The following BEND6 variants were observed in gnomAD, a reference collection of about 807,000 sequenced individuals.
BEND6 encodes BEN domain-containing protein 6.
Under a neutral mutation model 31.8 loss-of-function variants are expected in BEND6, and 24 were observed. That is an observed-to-expected ratio of 0.75 (90% CI 0.55 to 1.06). BEND6 has a LOEUF of 1.06. BEND6 is among the 50% of genes least tolerant of loss of function. The pLI is 0.00. For synonymous variants in BEND6, 109 were observed against 114.6 expected, an observed-to-expected ratio of 0.95 and a Z score of 0.31; for missense variants, 294 against 327.4, an observed-to-expected ratio of 0.90 and a Z score of 0.79.
intron 3 of BEND6, chr6:57,009,017 G>A (rs1284070816): frequency 6.6e-6 from 1 of 152,128 alleles, no homozygotes; most frequent in Non-Finnish European, 1.5e-5. Flanking sequence ...AGTGAAATAA[G>A]CGAGGAATAG....
chr6:56,955,628 T>C (rs1458257839), intron 1 of BEND6, among the ~76,000 whole-genome samples, 168 bp downstream of exon 1: 1 of 152,132 alleles, frequency 6.6e-6, no homozygotes, highest in Non-Finnish European at 1.5e-5. Flanking sequence ...AGGTGAACTC[T>C]TCCACCCCAA....
At chr6:56,970,281 G>A (rs896591850) in intron 1 of BEND6, among the ~76,000 whole-genome samples, 2 of 151,188 alleles carry the variant, frequency 1.3e-5, no homozygotes, top group Non-Finnish European at 2.9e-5. Context: ...TACAACCTCC[G>A]CCTCCCAGGT....
intron 1 of BEND6, among the ~76,000 whole-genome samples, chr6:56,974,704 CATTTT>C (rs1225253498): frequency 1.3e-5 from 2 of 152,166 alleles, no homozygotes; most frequent in Non-Finnish European, 2.9e-5. Flanking sequence ...CATGCCATGG[CATTTT>C]ATTTTATTTT....
intron 3 of BEND6, among the ~76,000 whole-genome samples, chr6:56,996,160 C>T (rs958490926): frequency 6.6e-6 from 1 of 152,024 alleles, no homozygotes; most frequent in Admixed American, 6.6e-5. Context: ...AAATATCCAT[C>T]AATGAGGCTG....
intron 2 of BEND6, among the ~76,000 whole-genome samples, chr6:56,983,587 C>T (rs1007704925): frequency 1.3e-5 from 2 of 152,144 alleles, no homozygotes; most frequent in African/African-American, 4.8e-5. Flanking sequence ...TGGTTTACTT[C>T]ACCTAACATA....
chr6:57,008,351 T>G (rs1009660171), intron 3 of BEND6: 1 of 640,516 alleles, frequency 1.6e-6, no homozygotes, highest in Non-Finnish European at 2.8e-6. Context: ...CTACTGATCA[T>G]GTTTCATTTC....
At chr6:57,019,335 G>A (rs1038502794) in intron 6 of BEND6, among the ~76,000 whole-genome samples, 2 of 152,100 alleles carry the variant, frequency 1.3e-5, no homozygotes, top group Non-Finnish European at 2.9e-5. Flanking sequence ...TGGAAAATAC[G>A]TGAAACCATG....
At chr6:56,956,168 TTTAA>T (rs1824911842) in intron 1 of BEND6, among the ~76,000 whole-genome samples, 1 of 152,264 alleles carries the variant, frequency 6.6e-6, no homozygotes, top group African/African-American at 2.4e-5. Flanking sequence ...ATAAGAAAAC[TTTAA>T]TTATAGTGAC....
At chr6:56,987,433 A>G (rs1219829900) in intron 2 of BEND6, among the ~76,000 whole-genome samples, 5 of 152,130 alleles carry the variant, frequency 3.3e-5, no homozygotes, top group Non-Finnish European at 2.9e-5. Context: ...GCCATTTCCA[A>G]TCTGTGGCCC....
chr6:57,011,136 CT>C (rs1461758083), intron 3 of BEND6, among the ~76,000 whole-genome samples: 2 of 152,000 alleles, frequency 1.3e-5, no homozygotes, highest in African/African-American at 4.8e-5. Flanking sequence ...CTTCACAGTA[CT>C]TAAATAATTG....
At chr6:56,976,398 T>G (rs1489286146) in intron 1 of BEND6, among the ~76,000 whole-genome samples, 1 of 152,012 alleles carries the variant, frequency 6.6e-6, no homozygotes. Context: ...TGTTTCACCG[T>G]GTTAGCCAGG....
At chr6:57,015,674 G>C (rs1019002376) in intron 4 of BEND6, among the ~76,000 whole-genome samples, 1 of 151,148 alleles carries the variant, frequency 6.6e-6, no homozygotes, top group Non-Finnish European at 1.5e-5. Flanking sequence ...ACGTGATGAC[G>C]GGCACCTGTA....
At chr6:56,997,688 G>A (rs1286140684) in intron 3 of BEND6, among the ~76,000 whole-genome samples, 1 of 152,096 alleles carries the variant, frequency 6.6e-6, no homozygotes, top group East Asian at 1.9e-4. Flanking sequence ...TGAGTAGCTG[G>A]GACTACAGGT....
intron 2 of BEND6, among the ~76,000 whole-genome samples, chr6:56,991,937 T>C (rs563087092): frequency 1.3e-5 from 2 of 152,342 alleles, no homozygotes; most frequent in East Asian, 3.9e-4. Context: ...CTAACTCTGG[T>C]ATACCCTGCC....
intron 3 of BEND6, among the ~76,000 whole-genome samples, chr6:56,993,427 A>G (rs1468079615): frequency 6.6e-6 from 1 of 152,224 alleles, no homozygotes; most frequent in African/African-American, 2.4e-5. Flanking sequence ...GAAAGGCCAT[A>G]CAATTGTCCA....
chr6:57,020,675 G>A (rs892043803), intron 6 of BEND6, among the ~76,000 whole-genome samples: 22 of 151,948 alleles, frequency 1.4e-4, no homozygotes, highest in Non-Finnish European at 7.4e-5. Flanking sequence ...GCCCACCTCG[G>A]CCTCCCAAAG....
chr6:56,968,312 C>CTTTTTTTTTTTTTTTTTTTTTTT (rs779756084), intron 1 of BEND6, among the ~76,000 whole-genome samples: 10 of 65,986 alleles, frequency 1.5e-4, no homozygotes, highest in East Asian at 5.5e-4. Flanking sequence ...TCTTTCTTTT[C>CTTTTTTTTTTTTTTTTTTTTTTT]TTTTTTTTTT....
chr6:57,002,515 C>A (rs1343730367), intron 3 of BEND6, among the ~76,000 whole-genome samples: 1 of 152,122 alleles, frequency 6.6e-6, no homozygotes, highest in East Asian at 1.9e-4. Context: ...ATGAACCATA[C>A]TCTCAGACCA....
At chr6:57,007,488 T>C (rs1406597610) in intron 3 of BEND6, among the ~76,000 whole-genome samples, 1 of 152,076 alleles carries the variant, frequency 6.6e-6, no homozygotes, top group East Asian at 1.9e-4. Context: ...ATTTTGTGAA[T>C]AGGACCTTAA....
Sources: allele counts gnomAD v4.1 joint callset (sites outside exome capture counted in the v4.1 genomes callset), GRCh38; gene constraint gnomAD v4.1.1; transcripts MANE v1.5; gene names NCBI Gene and HGNC (gene_info 2026-07-23, HGNC 2026-07-21).